The following ELAPOR2 variants were observed in gnomAD, a reference collection of about 807,000 sequenced individuals.
ELAPOR2 encodes endosome-lysosome associated apoptosis and autophagy regulator family member 2.
ELAPOR2 carries 89 observed loss-of-function variants against 120.7 expected under a neutral mutation model. The observed-to-expected ratio is 0.74, with a 90% CI of 0.62 to 0.88. The LOEUF is 0.88. Ranked by LOEUF, ELAPOR2 falls within the 40% of genes least tolerant of loss-of-function variation. The probability of loss-of-function intolerance (pLI) is 0.00; values close to 1 mark genes in which losing one functional copy is unlikely to be tolerated. For synonymous variants in ELAPOR2, 444 were observed against 444.9 expected (o/e 1.00, Z 0.03); for missense variants, 1,134 against 1,251.6 (o/e 0.91, Z 1.42).
chr7:86,954,124 A>T (rs542283514), intron 2 of ELAPOR2, among the ~76,000 whole-genome samples: 6 of 152,196 alleles, frequency 3.9e-5, no homozygotes, highest in African/African-American at 1.4e-4. Context: ...GCTTATTCAC[A>T]CTCCACCATC....
chr7:86,984,124 A>G lies in ELAPOR2; in HGVS notation c.190-19100T>C, dbSNP rs575163834. On this transcript the variant is annotated intron_variant, in intron 1 of 21. Coordinates refer to ENST00000450689, the MANE Select transcript of ELAPOR2 (RefSeq NM_001142749.3). ...CTACATAATGGTAAAGGGATTAACAAGAAGAGCTAACTGTCCTAAATATAT... is the reference window on the plus strand; with the variant it reads ...CTACATAATGGTAAAGGGATTAACAGGAAGAGCTAACTGTCCTAAATATAT... Among the ~76,000 whole-genome samples the G allele has an allele frequency of 1.2e-4, 19 of 152,288 alleles. No homozygotes were observed. The South Asian group carries it at 3.5e-3, about 28-fold the overall frequency.
At chr7:86,894,565 C>T (rs989436125) in intron 19 of ELAPOR2, among the ~76,000 whole-genome samples, 1 of 151,956 alleles carries the variant, frequency 6.6e-6, no homozygotes, top group Non-Finnish European at 1.5e-5. Flanking sequence ...AAAAAAAATA[C>T]TTGCAAACCA....
intron 4 of ELAPOR2, among the ~76,000 whole-genome samples, chr7:86,943,188 T>TA (rs1367854863): frequency 6.6e-6 from 1 of 151,890 alleles, no homozygotes; most frequent in Non-Finnish European, 1.5e-5. Context: ...AAGCTTTTTT[T>TA]ATCACTGAAA....
Position 86,891,808 on chromosome 7 carries a change from G to T in ELAPOR2, c.2946C>A (p.Ile982=). The change falls in exon 21 of 22, where the codon ATC becomes ATA. Residue 982 remains isoleucine (I), a synonymous_variant. Transcript: ENST00000450689. ...CELPAADSCA[I]MEGEDNEEEV... The stretch of plus-strand genomic sequence containing the variant: ...CCTCTTCATTATCTTCTCCTTCCAT[G>T]ATAGCACAACTGTCTGCAGCCGGGA... 6.2e-7 allele frequency: 1 copy of T among 1,612,152 alleles called. No individual in the cohort carries two copies. The highest frequency in any genetic ancestry group is 2.2e-5 in the East Asian group (1 of 44,778).
intron 1 of ELAPOR2, among the ~76,000 whole-genome samples, chr7:87,035,156 C>T (rs1352019118): frequency 6.6e-6 from 1 of 152,016 alleles, no homozygotes; most frequent in African/African-American, 2.4e-5. Flanking sequence ...TATCTTCTCA[C>T]CAGTTACAGT....
At chr7:86,903,977 T>C (rs1299591574) in intron 18 of ELAPOR2, among the ~76,000 whole-genome samples, 2 of 152,190 alleles carry the variant, frequency 1.3e-5, no homozygotes, top group African/African-American at 4.8e-5. Flanking sequence ...AGTGTGCTTC[T>C]TTGCAAATCT....
intron 5 of ELAPOR2, 100 bp from the exon 6 acceptor site, chr7:86,940,215 T>C (rs1484791988): frequency 1.7e-5 from 10 of 585,876 alleles, no homozygotes; most frequent in Non-Finnish European, 2.9e-5. Context: ...TAAAACACCA[T>C]TAATTTAAAA....
At chr7:86,993,478 G>A (rs1793020568) in intron 1 of ELAPOR2, among the ~76,000 whole-genome samples, 1 of 152,088 alleles carries the variant, frequency 6.6e-6, no homozygotes. Context: ...ATTACTGAGT[G>A]AAGAAATCCA....
At chr7:87,018,168 G>A (rs1793928894) in intron 1 of ELAPOR2, among the ~76,000 whole-genome samples, 1 of 152,016 alleles carries the variant, frequency 6.6e-6, no homozygotes, top group East Asian at 1.9e-4. Flanking sequence ...AGCCTCCCAA[G>A]TAGCTGAGAT....
At chr7:86,905,028 T>C (rs1309269095) in intron 18 of ELAPOR2, among the ~76,000 whole-genome samples, 1 of 137,404 alleles carries the variant, frequency 7.3e-6, no homozygotes, top group African/African-American at 2.8e-5. Flanking sequence ...AATGAATGAA[T>C]GAATGGATGA....
chr7:86,963,158 C>A (rs1296382155), intron 2 of ELAPOR2, among the ~76,000 whole-genome samples: 2 of 152,064 alleles, frequency 1.3e-5, no homozygotes, highest in Non-Finnish European at 1.5e-5. Flanking sequence ...ATTTTTAAAG[C>A]AAGAATCACT....
chr7:86,977,995 T>C (rs150089419), intron 1 of ELAPOR2, among the ~76,000 whole-genome samples: 180 of 152,334 alleles, frequency 1.2e-3, no homozygotes, highest in African/African-American at 4.3e-3. Context: ...TATGTCATGG[T>C]CACTTCCTGA....
chr7:87,039,199 C>T (rs973669125), intron 1 of ELAPOR2, among the ~76,000 whole-genome samples: 2 of 151,996 alleles, frequency 1.3e-5, no homozygotes, highest in Non-Finnish European at 2.9e-5. Flanking sequence ...TACAACCTAC[C>T]GAGACTAAAC....
intron 21 of ELAPOR2, among the ~76,000 whole-genome samples, chr7:86,885,330 T>C (rs1038171164): frequency 6.6e-6 from 1 of 152,146 alleles, no homozygotes; most frequent in Non-Finnish European, 1.5e-5. Flanking sequence ...AAATAAATGA[T>C]GTCAGTAAAC....
intron 21 of ELAPOR2, 100 bp downstream of exon 21, chr7:86,891,624 A>C (rs1788162956): frequency 1.2e-5 from 12 of 963,434 alleles, no homozygotes; most frequent in Admixed American, 7.4e-5. Context: ...ACTGAGATAT[A>C]AACATGCAAA....
chr7:86,950,280 G>A (rs1282002630), intron 2 of ELAPOR2, among the ~76,000 whole-genome samples: 1 of 152,188 alleles, frequency 6.6e-6, no homozygotes, highest in African/African-American at 2.4e-5. Context: ...CTGGATATAG[G>A]ACAAGAACTC....
At chr7:87,016,688 TATAAC>T (rs549243599) in intron 1 of ELAPOR2, among the ~76,000 whole-genome samples, 398 of 149,536 alleles carry the variant, frequency 2.7e-3, no homozygotes, top group African/African-American at 9.3e-3. Context: ...TAATATATAA[TATAAC>T]ATAACTGTAA....
chr7:86,914,921 T>C lies in ELAPOR2; in HGVS notation c.1594-61A>G, dbSNP rs555459841. 4.0e-4 allele frequency: 499 copies of C among 1,253,792 alleles called. 3 individuals carry two copies. Among genetic ancestry groups the C allele is most frequent in the South Asian group, 1.7e-3 (125 of 73,314 alleles). The allele number at this position is 1,253,792 out of a possible 1,614,324, so 77.7% of individuals were successfully genotyped here. ...CACAAACTCAACATTAATATACCTG[T>C]GTATATATTACAAATGTATTCATAT... On this transcript the variant is annotated intron_variant, in intron 12 of 21. Transcript: ENST00000450689.
intron 1 of ELAPOR2, among the ~76,000 whole-genome samples, chr7:86,991,784 T>C (rs1460975035): frequency 6.6e-6 from 1 of 152,184 alleles, no homozygotes; most frequent in Non-Finnish European, 1.5e-5. Context: ...TGGCTGCTAA[T>C]GTTCCAGCCA....
Sources: allele counts gnomAD v4.1 joint callset (sites outside exome capture counted in the v4.1 genomes callset), GRCh38; gene constraint gnomAD v4.1.1; transcripts MANE v1.5; gene names NCBI Gene and HGNC (gene_info 2026-07-23, HGNC 2026-07-21).